The following TNS3 variants were observed in gnomAD, a reference collection of about 807,000 sequenced individuals.
TNS3 encodes tensin 3.
In TNS3, 45 loss-of-function variants were observed where a neutral mutation model predicts 140.9. The ratio of observed to expected loss-of-function variants is 0.32; its 90% confidence interval spans 0.25 to 0.41. The LOEUF (loss-of-function observed/expected upper bound fraction) is 0.41. TNS3 is among the 10% of genes least tolerant of loss of function. TNS3 has a pLI of 1.00. For missense variants in TNS3, 1,716 were observed against 1,906.7 expected (o/e 0.90, Z 1.86); for synonymous variants, 815 against 788.4 (o/e 1.03, Z -0.56).
intron 20 of TNS3, among the ~76,000 whole-genome samples, chr7:47,337,600 T>C (rs1264598591): frequency 2.0e-5 from 3 of 152,254 alleles, no homozygotes; most frequent in African/African-American, 4.8e-5. Context: ...CTATCTCTTC[T>C]GAAACCATTT....
At chr7:47,289,799 G>A (rs1402661209) in intron 27 of TNS3, among the ~76,000 whole-genome samples, 2 of 152,154 alleles carry the variant, frequency 1.3e-5, no homozygotes, top group African/African-American at 4.8e-5. Context: ...CTCAACTTTT[G>A]CCAAGGTGTC....
Position 47,303,393 on chromosome 7 carries a change from G to A in TNS3, c.3014C>T (p.Ala1005Val). The change falls in exon 22 of 31, where the codon GCA (alanine) becomes GTA (valine). Residue 1005 changes from alanine to valine, a missense_variant. By Grantham distance (64) the Ala-to-Val change is moderately conservative. Around this residue, in one of 3 missense-constraint regions of TNS3, gnomAD observed 1,163 missense variants for 1,182.1 expected, o/e 0.98. Transcript: ENST00000311160. The stretch of plus-strand genomic sequence containing the variant: ...AGGCGCCAGGGAGTCCGGTGGCTCT[G>A]CTAGGGACAGCTCATGGCTGTGGAA... ...APFHSHELSL[A>V]EPPDSLAPPS... 1 of 1,613,782 alleles carries A rather than the reference G, an allele frequency of 6.2e-7. No homozygotes were observed. The highest frequency in any genetic ancestry group is 8.5e-7 in the Non-Finnish European group (1 of 1,180,002).
intron 16 of TNS3, among the ~76,000 whole-genome samples, chr7:47,380,737 G>A (rs1436620406): frequency 1.3e-5 from 2 of 151,636 alleles, no homozygotes; most frequent in African/African-American, 4.9e-5. Context: ...TCACCACACA[G>A]GCACAGACAC....
intron 1 of TNS3, among the ~76,000 whole-genome samples, chr7:47,546,151 C>A (rs62446486): frequency 0.17 from 25,787 of 152,158 alleles, 2,619 homozygotes; most frequent in East Asian, 0.33. Flanking sequence ...TCACTGCCTG[C>A]GGGTTTATTA....
intron 4 of TNS3, among the ~76,000 whole-genome samples, chr7:47,457,134 A>AGGGGGGGAGGGGAGG (rs1562766133): frequency 1.0e-4 from 1 of 9,608 alleles, no homozygotes; most frequent in African/African-American, 4.1e-4. Flanking sequence ...AGGGGAGGGG[A>AGGGGGGGAGGGGAGG]GGAGGGGAGG....
At chr7:47,370,387 C>G (rs1268132797) in intron 16 of TNS3, among the ~76,000 whole-genome samples, 6 of 152,194 alleles carry the variant, frequency 3.9e-5, no homozygotes, top group Non-Finnish European at 1.5e-5. Context: ...TTTGGCACAG[C>G]AACTTTGGGC....
intron 8 of TNS3, 137 bp from the exon 9 acceptor site, chr7:47,428,513 TC>T: frequency 1.8e-6 from 1 of 560,442 alleles, no homozygotes; most frequent in Non-Finnish European, 2.8e-6. Context: ...CCCACAGCCT[TC>T]CTGTCTGGGA....
chr7:47,486,636 A>G (rs1797624969), intron 3 of TNS3, among the ~76,000 whole-genome samples: 1 of 152,192 alleles, frequency 6.6e-6, no homozygotes, highest in Admixed American at 6.5e-5. Context: ...ACCTGAACCA[A>G]TCCCTCTCTG....
intron 20 of TNS3, among the ~76,000 whole-genome samples, chr7:47,307,726 T>C (rs1195716010): frequency 6.6e-6 from 1 of 152,244 alleles, no homozygotes; most frequent in East Asian, 1.9e-4. Flanking sequence ...TGTATGCTTA[T>C]TAATAGGCAT....
chr7:47,559,654 A>T (rs1020559841), intron 1 of TNS3, among the ~76,000 whole-genome samples: 2 of 151,982 alleles, frequency 1.3e-5, no homozygotes, highest in Non-Finnish European at 2.9e-5. Flanking sequence ...CCTGCTCTAC[A>T]TCTCTGAGGC....
intron 1 of TNS3, among the ~76,000 whole-genome samples, chr7:47,535,537 A>G (rs334512): frequency 0.34 from 51,248 of 152,200 alleles, 8,972 homozygotes; most frequent in East Asian, 0.46. Flanking sequence ...CATTTCTCCC[A>G]AAGGGGGAGA....
intron 20 of TNS3, among the ~76,000 whole-genome samples, chr7:47,328,632 C>A (rs1045779051): frequency 6.6e-5 from 10 of 152,218 alleles, no homozygotes; most frequent in South Asian, 2.1e-4. Context: ...CTCTGCCCCC[C>A]ACCCCGGCAG....
At chr7:47,494,202 C>T (rs1797917643) in intron 3 of TNS3, among the ~76,000 whole-genome samples, 1 of 152,190 alleles carries the variant, frequency 6.6e-6, no homozygotes, top group Non-Finnish European at 1.5e-5. Flanking sequence ...CAAGCCGTGC[C>T]TCTGACCCAC....
intron 1 of TNS3, among the ~76,000 whole-genome samples, chr7:47,542,037 A>C (rs1338026086): frequency 1.3e-5 from 2 of 152,044 alleles, no homozygotes; most frequent in African/African-American, 4.8e-5. Context: ...TAAAGGTCTC[A>C]GCTTCCATGC....
intron 17 of TNS3, among the ~76,000 whole-genome samples, chr7:47,351,294 A>T (rs1302827783): frequency 1.3e-5 from 2 of 152,180 alleles, no homozygotes; most frequent in Non-Finnish European, 2.9e-5. Context: ...TATGAAAATT[A>T]ATGTGGGAGG....
intron 3 of TNS3, among the ~76,000 whole-genome samples, chr7:47,489,741 C>T (rs1437549805): frequency 1.3e-5 from 2 of 152,224 alleles, no homozygotes; most frequent in African/African-American, 4.8e-5. Context: ...AGGGGATTCT[C>T]GAAGTGGCTG....
chr7:47,374,179 A>G (rs1468130167), intron 16 of TNS3, among the ~76,000 whole-genome samples: 2 of 152,230 alleles, frequency 1.3e-5, no homozygotes, highest in Admixed American at 6.5e-5. Context: ...TTTGCCCATG[A>G]AGCAGGAAGC....
rs574835670 is a variant in TNS3, at chr7:47,301,196, G to A, written c.3544+990C>T. On this transcript the variant is annotated intron_variant, in intron 23 of 30. Coordinates refer to ENST00000311160, the MANE Select transcript of TNS3 (RefSeq NM_022748.12). ...TGCGGGCAGCTTGTCATTTCTCACC[G>A]CTTTAAACCAACCCATTCCCTCTTT... Among the ~76,000 whole-genome samples the A allele has an allele frequency of 9.2e-5, 14 of 152,198 alleles. No homozygotes were observed. The East Asian group carries it at 2.3e-3, about 25-fold the overall frequency.
At position 47,339,328 on chromosome 7, in the gene TNS3, TTTACA is replaced by T. The variant is rs530694048; in HGVS notation, c.2650+5422_2650+5426del. Among the ~76,000 whole-genome samples the T allele has an allele frequency of 2.9e-3, 447 of 152,330 alleles. 1 individual carries two copies. The highest frequency in any genetic ancestry group is 4.7e-3 in the Non-Finnish European group (318 of 68,028). On this transcript the variant is annotated intron_variant, in intron 20 of 30. Transcript: ENST00000311160. ...TTTTAAAAAATACTATGTTTTACAT[TTTACA>T]TTTAAGTCCATCATCCATTTTAAGT...
Sources: allele counts gnomAD v4.1 joint callset (sites outside exome capture counted in the v4.1 genomes callset), GRCh38; gene constraint gnomAD v4.1.1; regional missense constraint gnomAD v4.1.1; transcripts MANE v1.5; gene names NCBI Gene and HGNC (gene_info 2026-07-23, HGNC 2026-07-21).